Variants in GATA4 observed in about 807,000 individuals in gnomAD.
GATA4 encodes transcription factor GATA-4.
Under a neutral mutation model 37.9 loss-of-function variants are expected in GATA4, and 7 were observed. The observed-to-expected ratio is 0.18, with a 90% CI of 0.11 to 0.35. GATA4 has a LOEUF of 0.35. Ranked by LOEUF, GATA4 falls within the 10% of genes least tolerant of loss-of-function variation. The pLI, the probability that GATA4 is intolerant of heterozygous loss-of-function variation, is 1.00. For synonymous variants in GATA4, 372 were observed against 292.6 expected, an observed-to-expected ratio of 1.27 and a Z score of -2.77; for missense variants, 647 against 653.0, an observed-to-expected ratio of 0.99 and a Z score of 0.10.
At position 11,758,451 on chromosome 8, in the gene GATA4, T is replaced by A. The variant is rs769268482; in HGVS notation, c.1308T>A (p.Ser436Arg). The A allele has an allele frequency of 6.2e-6, 10 of 1,614,190 alleles. No individual in the cohort carries two copies. The highest frequency in any genetic ancestry group is 8.5e-6 in the Non-Finnish European group (10 of 1,180,038). ...DSWNSLVLAD[S>R]HGDIITA ...GGAACAGCCTGGTCTTGGCCGACAGTCACGGGGACATAATCACTGCGTAAT... is the reference window on the plus strand; with the variant it reads ...GGAACAGCCTGGTCTTGGCCGACAGACACGGGGACATAATCACTGCGTAAT... Residue 436 changes from serine (S) to arginine (R), a missense_variant, in exon 7 of 7, where the codon AGT (serine) becomes AGA (arginine). By Grantham distance (110) the Ser-to-Arg change is moderately radical. Around this residue, in one of 5 missense-constraint regions of GATA4, gnomAD observed 184 missense variants for 157.1 expected, o/e 1.17. Transcript: ENST00000532059.
Position 11,749,208 on chromosome 8 carries a change from G to C in GATA4, c.786+123G>C. The C allele has an allele frequency of 2.2e-6, 2 of 926,312 alleles. No homozygotes were observed. The highest frequency in any genetic ancestry group is 3.4e-6 in the Non-Finnish European group (2 of 596,424). The allele number at this position is 926,312 out of a possible 1,614,324, so 57.4% of individuals were successfully genotyped here. A position where few individuals can be genotyped will look rare whatever the true frequency, so the allele number is the denominator to read the frequency against. On this transcript the variant is annotated intron_variant, in intron 3 of 6. Coordinates refer to ENST00000532059, the MANE Select transcript of GATA4 (RefSeq NM_001308093.3). The surrounding 1 kb of genome is among the most constrained non-coding windows in gnomAD (Gnocchi z 4.6). ...TGCATCGGGGATTACGTGGGTGAGAGCCCCATAATAATTCTCACAACTTTA... is the reference window on the plus strand; with the variant it reads ...TGCATCGGGGATTACGTGGGTGAGACCCCCATAATAATTCTCACAACTTTA...
At position 11,696,817 on chromosome 8, in the gene GATA4, G is replaced by A. The variant is rs528114918; in HGVS notation, c.-728-3691G>A. 3.3e-5 allele frequency among the ~76,000 whole-genome samples: 5 copies of A among 152,346 alleles called. No homozygotes were observed. The South Asian group carries it at 1.0e-3, about 32-fold the overall frequency. On this transcript the variant is annotated intron_variant, in intron 1 of 2. Transcript: ENST00000526974. ...GCAGCAAAGACAGAGTGCTCACAGGGTGATTGAGAAACTGAGGTGGCAAGT... is the reference window on the plus strand; with the variant it reads ...GCAGCAAAGACAGAGTGCTCACAGGATGATTGAGAAACTGAGGTGGCAAGT...
At chr8:11,698,491 T>A (rs1799572507) in intron 1 of GATA4, among the ~76,000 whole-genome samples, 2 of 152,234 alleles carry the variant, frequency 1.3e-5, no homozygotes, top group Middle Eastern at 3.4e-3. Context: ...TCTGCCCTGG[T>A]CTCTGCCTGT....
intron 1 of GATA4, among the ~76,000 whole-genome samples, chr8:11,687,146 C>A (rs984015053): frequency 2.0e-5 from 3 of 152,138 alleles, no homozygotes; most frequent in African/African-American, 7.2e-5. Context: ...GAGGAGGACA[C>A]AGCTGGGAGG....
Position 11,708,439 on chromosome 8 carries a change from C to A in GATA4, c.127C>A (p.Arg43=), listed in dbSNP as rs387906770. The A allele has an allele frequency of 5.9e-6, 9 of 1,533,830 alleles. No individual in the cohort carries two copies. The African/African-American group carries it at 1.1e-4, about 19-fold the overall frequency. The change falls in exon 2 of 7, where the codon CGG becomes AGG. Residue 43 remains arginine, a synonymous_variant. Transcript: ENST00000532059. This position sits in a 1 kb window ranked among gnomAD's most constrained non-coding sequence, Gnocchi z 6.7. ...ASSPVYVPTP[R]VPSSVLGLSY... ...CTCGCCAGTCTACGTGCCCACACCG[C>A]GGGTGCCCTCCTCCGTGCTGGGCCT...
upstream of GATA4, among the ~76,000 whole-genome samples, chr8:11,702,155 G>A (rs549850079): frequency 2.6e-3 from 392 of 152,332 alleles, 2 homozygotes; most frequent in Non-Finnish European, 4.6e-3. This position sits in a 1 kb window ranked among gnomAD's most constrained non-coding sequence, Gnocchi z 4.4. Flanking sequence ...ACTAGGAGAA[G>A]CCGGCGTAGG....
chr8:11,731,132 CTG>C (rs1801187798), intron 2 of GATA4, among the ~76,000 whole-genome samples: 1 of 152,252 alleles, frequency 6.6e-6, no homozygotes, highest in African/African-American at 2.4e-5. Context: ...ACCACTGCCT[CTG>C]AGTTTCCTCC....
At chr8:11,751,236 T>A (rs887393437) in intron 4 of GATA4, among the ~76,000 whole-genome samples, 5 of 152,220 alleles carry the variant, frequency 3.3e-5, no homozygotes, top group African/African-American at 1.2e-4. Flanking sequence ...ACAAAGCTCT[T>A]TAATTTTTAT....
intron 2 of GATA4, among the ~76,000 whole-genome samples, chr8:11,730,348 GA>G (rs1231323263): frequency 6.6e-6 from 1 of 152,230 alleles, no homozygotes. Flanking sequence ...TGAGTGAACT[GA>G]AACCAGACAC....
chr8:11,683,617 A>G (rs1585547579), intron 1 of GATA4, among the ~76,000 whole-genome samples: 2 of 152,194 alleles, frequency 1.3e-5, no homozygotes, highest in East Asian at 3.9e-4. Flanking sequence ...GCTGGGCGTT[A>G]TGCCTTGTAC....
chr8:11,711,812 T>C (rs13267318), intron 2 of GATA4, among the ~76,000 whole-genome samples: 76,944 of 150,252 alleles, frequency 0.51, 23,458 homozygotes, highest in Non-Finnish European at 0.71. Flanking sequence ...TTCTTCCCAT[T>C]ACTTGGGCTC....
intron 1 of GATA4, among the ~76,000 whole-genome samples, chr8:11,684,055 G>A (rs549819439): frequency 6.6e-6 from 1 of 152,338 alleles, no homozygotes; most frequent in South Asian, 2.1e-4. Context: ...GGCAACCCAT[G>A]TCCTCAGCCA....
chr8:11,730,461 A>G lies in GATA4; in HGVS notation c.617-18455A>G, dbSNP rs558001705. Among the ~76,000 whole-genome samples, 8 of 152,356 alleles carry G rather than the reference A, an allele frequency of 5.3e-5. 1 individual carries two copies. Among genetic ancestry groups the G allele is most frequent in the African/African-American group, 1.9e-4 (8 of 41,578 alleles). Reference sequence around the variant, plus strand: ...TTTTAATGATTTTACTAAAAATCGGAATAGAATGTGAAACAGGGGGATCTG... The same window carrying G: ...TTTTAATGATTTTACTAAAAATCGGGATAGAATGTGAAACAGGGGGATCTG... On this transcript the variant is annotated intron_variant, in intron 2 of 6. Transcript: ENST00000532059.
chr8:11,712,041 C>G (rs1195724904), intron 2 of GATA4, among the ~76,000 whole-genome samples: 2 of 152,230 alleles, frequency 1.3e-5, no homozygotes, highest in African/African-American at 4.8e-5. Flanking sequence ...TTACTTACCT[C>G]TCTCGGTCTC....
At chr8:11,680,646 G>A in intron 1 of GATA4, 1 of 985,400 alleles carries the variant, frequency 1.0e-6, no homozygotes, top group Non-Finnish European at 1.2e-6. Context: ...GCGCTGCTGG[G>A]AACGTGTCTC....
intron 1 of GATA4, among the ~76,000 whole-genome samples, chr8:11,678,849 G>C (rs576300591): frequency 4.5e-4 from 69 of 152,202 alleles, no homozygotes; most frequent in African/African-American, 1.6e-3. Context: ...CTCTGAAAGT[G>C]ATTTTGCATT....
At position 11,759,414 on chromosome 8, in the gene GATA4, G is replaced by A. The variant is rs1009499939; in HGVS notation, c.*939G>A. The A allele has an allele frequency of 3.3e-5, 5 of 152,450 alleles. No individual in the cohort carries two copies. Among genetic ancestry groups the A allele is most frequent in the African/African-American group, 1.2e-4 (5 of 41,470 alleles). 9.4% of individuals were successfully genotyped at this position (152,450 alleles called of 1,614,324 possible). ...GTGTAAGTGGACAGAGTCCTGGTCAGGGGGCAGGAGTGTCCCAAGGGCTGG... is the reference window on the plus strand; with the variant it reads ...GTGTAAGTGGACAGAGTCCTGGTCAAGGGGCAGGAGTGTCCCAAGGGCTGG... On this transcript the variant is annotated 3_prime_UTR_variant, in exon 7 of 7. Transcript: ENST00000532059.
At chr8:11,679,941 CT>C (rs931979305) in intron 1 of GATA4, among the ~76,000 whole-genome samples, 15 of 152,204 alleles carry the variant, frequency 9.9e-5, no homozygotes, top group Non-Finnish European at 1.3e-4. Flanking sequence ...TTTACAAACT[CT>C]TTTTGCACTG....
upstream of GATA4, among the ~76,000 whole-genome samples, chr8:11,688,493 AGCACACATGCATGCATGCGCGT>A (rs1218359707): frequency 6.6e-6 from 1 of 151,968 alleles, no homozygotes; most frequent in Non-Finnish European, 1.5e-5. Flanking sequence ...GACAAAATAA[AGCACACATGCATGCATGCGCGT>A]GCGCGCATGC....
Sources: gnomAD v4.1 joint callset for allele counts (sites outside exome capture counted in the v4.1 genomes callset) on GRCh38, gnomAD v4.1.1 for gene constraint, gnomAD v4.1.1 regional missense constraint, Gnocchi (gnomAD v3.1) non-coding constraint, MANE v1.5 for transcripts, NCBI Gene and HGNC (gene_info 2026-07-23, HGNC 2026-07-21) for gene names.